ARHGAP15: variants seen among roughly 807,000 people sequenced by gnomAD.
ARHGAP15 encodes Rho GTPase activating protein 15, also known as rho GTPase-activating protein 15.
ARHGAP15 carries 51 observed loss-of-function variants against 63.7 expected under a neutral mutation model. The observed-to-expected ratio is 0.80, with a 90% CI of 0.64 to 1.01. The LOEUF is 1.01. ARHGAP15 is among the 50% of genes least tolerant of loss of function. The pLI is 0.00. For synonymous variants in ARHGAP15, 191 were observed against 193.8 expected (o/e 0.99, Z 0.12); for missense variants, 560 against 564.6 (o/e 0.99, Z 0.08).
chr2:143,650,791 G>A (rs561692227), intron 12 of ARHGAP15, among the ~76,000 whole-genome samples: 8 of 151,818 alleles, frequency 5.3e-5, no homozygotes, highest in African/African-American at 4.8e-5. Context: ...AACATACCTC[G>A]CTATTTGGTA....
intron 13 of ARHGAP15, among the ~76,000 whole-genome samples, chr2:143,748,985 C>CA (rs1485121754): frequency 1.3e-5 from 2 of 151,742 alleles, no homozygotes; most frequent in Admixed American, 6.6e-5. Context: ...TTTCCCCCTA[C>CA]AAGTCAGCTT....
At chr2:143,430,694 T>C (rs997674873) in intron 6 of ARHGAP15, among the ~76,000 whole-genome samples, 4 of 152,154 alleles carry the variant, frequency 2.6e-5, no homozygotes, top group Non-Finnish European at 5.9e-5. Flanking sequence ...ATAAAGTTAG[T>C]GTATGTTGAT....
intron 6 of ARHGAP15, among the ~76,000 whole-genome samples, chr2:143,330,120 A>AAC (rs1558897894): frequency 4.5e-5 from 4 of 88,442 alleles, no homozygotes; most frequent in African/African-American, 1.8e-4. Flanking sequence ...AAAAAAAAAA[A>AAC]AAAAAAAAAA....
chr2:143,537,541 G>C (rs1049303898), intron 10 of ARHGAP15, among the ~76,000 whole-genome samples: 3 of 152,156 alleles, frequency 2.0e-5, no homozygotes, highest in African/African-American at 7.2e-5. Flanking sequence ...AATACATCTT[G>C]AATTAATTTT....
chr2:143,372,463 A>C (rs1686605437), intron 6 of ARHGAP15, among the ~76,000 whole-genome samples: 1 of 152,008 alleles, frequency 6.6e-6, no homozygotes, highest in Non-Finnish European at 1.5e-5. Context: ...TATAAATTTG[A>C]ATTTTAAAAT....
chr2:143,678,241 A>C (rs899691376), intron 12 of ARHGAP15, among the ~76,000 whole-genome samples: 2 of 152,072 alleles, frequency 1.3e-5, no homozygotes, highest in African/African-American at 4.8e-5. Flanking sequence ...AGAGAGAAGA[A>C]CCAAAAGAGG....
intron 12 of ARHGAP15, among the ~76,000 whole-genome samples, chr2:143,677,265 AATACATG>A (rs1374882347): frequency 6.6e-6 from 1 of 152,208 alleles, no homozygotes; most frequent in Non-Finnish European, 1.5e-5. Flanking sequence ...AGTGTTTTGG[AATACATG>A]GTTAGTGTAT....
intron 8 of ARHGAP15, among the ~76,000 whole-genome samples, chr2:143,440,223 A>G (rs1388331817): frequency 6.6e-6 from 1 of 152,196 alleles, no homozygotes; most frequent in African/African-American, 2.4e-5. Flanking sequence ...CATGTTTTAT[A>G]TTTGATGCTT....
chr2:143,519,204 A>T (rs983922072), intron 9 of ARHGAP15, 62 bp from the exon 10 acceptor site: 3 of 1,291,144 alleles, frequency 2.3e-6, no homozygotes, highest in Non-Finnish European at 3.4e-6. Context: ...TGGAAACGGA[A>T]TCAAATTAAA....
intron 6 of ARHGAP15, among the ~76,000 whole-genome samples, chr2:143,299,164 G>A (rs1483339911): frequency 1.3e-5 from 2 of 151,820 alleles, no homozygotes; most frequent in Non-Finnish European, 2.9e-5. Flanking sequence ...AATAATGAAG[G>A]ATTAAACTTT....
chr2:143,134,665 C>T lies in ARHGAP15; in HGVS notation c.-15+5199C>T, dbSNP rs1332234488. On this transcript the variant is annotated intron_variant, in intron 1 of 13. Transcript: ENST00000295095. ...TTTTTTTTTTTTTGAGACGGAGTCTCACTCTGTCACCCAAGCTGGAGTGCA... is the reference window on the plus strand; with the variant it reads ...TTTTTTTTTTTTTGAGACGGAGTCTTACTCTGTCACCCAAGCTGGAGTGCA... 7.5e-5 allele frequency among the ~76,000 whole-genome samples: 11 copies of T among 146,062 alleles called. No individual in the cohort carries two copies. The Admixed American group carries it at 7.5e-4, about 10-fold the overall frequency.
intron 12 of ARHGAP15, among the ~76,000 whole-genome samples, chr2:143,628,284 C>T (rs1386780180): frequency 6.6e-6 from 1 of 152,098 alleles, no homozygotes; most frequent in Admixed American, 6.6e-5. Context: ...TTGCGATGAA[C>T]ATGCAAGTAC....
intron 9 of ARHGAP15, among the ~76,000 whole-genome samples, chr2:143,509,985 A>T (rs1265183712): frequency 2.3e-5 from 3 of 128,140 alleles, no homozygotes; most frequent in Non-Finnish European, 4.7e-5. Context: ...GTACCACTGC[A>T]CTCCAGCCTG....
At chr2:143,295,964 C>T (rs1682615427) in intron 6 of ARHGAP15, among the ~76,000 whole-genome samples, 1 of 151,916 alleles carries the variant, frequency 6.6e-6, no homozygotes, top group African/African-American at 2.4e-5. Flanking sequence ...AAGAAATGTG[C>T]CTCGCTGTCA....
intron 6 of ARHGAP15, among the ~76,000 whole-genome samples, chr2:143,382,348 C>A (rs1411295670): frequency 2.0e-5 from 3 of 152,122 alleles, no homozygotes; most frequent in Non-Finnish European, 4.4e-5. Context: ...CATGCCTTGC[C>A]TCTCTGGTTT....
Position 143,234,612 on chromosome 2 carries a change from TTTTTCTTA to T in ARHGAP15, c.384+5957_384+5964del, listed in dbSNP as rs573687217. Among the ~76,000 whole-genome samples, 6 of 152,234 alleles carry T rather than the reference TTTTTCTTA, an allele frequency of 3.9e-5. 1 individual carries two copies. The East Asian group carries it at 1.2e-3, about 29-fold the overall frequency. On this transcript the variant is annotated intron_variant, in intron 5 of 13. Coordinates refer to ENST00000295095, the MANE Select transcript of ARHGAP15 (RefSeq NM_018460.4). Reference sequence around the variant, plus strand: ...TCTCAGGGACAAGATTGTGCTTCAGTTTTTCTTATTTTCTTATTTTACATTGCTCATCT... The same window carrying T: ...TCTCAGGGACAAGATTGTGCTTCAGTTTTTCTTATTTTACATTGCTCATCT...
At chr2:143,537,158 T>C (rs1212535894) in intron 10 of ARHGAP15, among the ~76,000 whole-genome samples, 2 of 152,242 alleles carry the variant, frequency 1.3e-5, no homozygotes, top group African/African-American at 4.8e-5. Flanking sequence ...ATGTGTTTTT[T>C]GGCTGCATAA....
chr2:143,304,936 G>A (rs1683096779), intron 6 of ARHGAP15, among the ~76,000 whole-genome samples: 1 of 151,952 alleles, frequency 6.6e-6, no homozygotes, highest in Admixed American at 6.6e-5. Flanking sequence ...CAAGGATTTA[G>A]AACCAGAAAT....
intron 6 of ARHGAP15, among the ~76,000 whole-genome samples, chr2:143,361,470 T>C (rs1047513824): frequency 2.0e-5 from 3 of 152,188 alleles, no homozygotes; most frequent in Non-Finnish European, 4.4e-5. Flanking sequence ...AAGTTGCATC[T>C]CTTGGATGAA....
Sources: allele counts gnomAD v4.1 joint callset (sites outside exome capture counted in the v4.1 genomes callset), GRCh38; gene constraint gnomAD v4.1.1; transcripts MANE v1.5; gene names NCBI Gene and HGNC (gene_info 2026-07-23, HGNC 2026-07-21).